The following RAI14 variants were observed in gnomAD, a reference collection of about 807,000 sequenced individuals.
The protein encoded by RAI14 is retinoic acid induced 14, also known as ankycorbin.
Under a neutral mutation model 115.4 loss-of-function variants are expected in RAI14, and 45 were observed. The ratio of observed to expected loss-of-function variants is 0.39; its 90% CI spans 0.31 to 0.50. The LOEUF is 0.50. Among genes scored for constraint, RAI14 ranks in the 20% least tolerant of loss-of-function variants. The pLI, the probability that RAI14 is intolerant of heterozygous loss-of-function variation, is 0.85. For synonymous variants in RAI14, 371 were observed against 415.4 expected (o/e 0.89, Z 1.30); for missense variants, 939 against 1,131.2 (o/e 0.83, Z 2.44).
intron 2 of RAI14, among the ~76,000 whole-genome samples, chr5:34,702,212 ACCTCCTCCT>A (rs1740164902): frequency 6.6e-6 from 1 of 152,100 alleles, no homozygotes. Flanking sequence ...ACTCTAGACA[ACCTCCTCCT>A]AGCTAGGGAA....
chr5:34,659,369 G>A (rs111862886), intron 1 of RAI14, among the ~76,000 whole-genome samples: 15,394 of 152,192 alleles, frequency 0.1, 890 homozygotes, highest in African/African-American at 0.14. Context: ...CTGGGCTCAA[G>A]CAGTCCTCCT....
intron 2 of RAI14, among the ~76,000 whole-genome samples, chr5:34,708,013 A>G (rs1740915078): frequency 6.6e-6 from 1 of 152,180 alleles, no homozygotes; most frequent in Admixed American, 6.5e-5. Flanking sequence ...CTATGTCTTT[A>G]TGTGTCTACT....
At chr5:34,826,756 A>G (rs960809762) in intron 16 of RAI14, among the ~76,000 whole-genome samples, 1 of 152,200 alleles carries the variant, frequency 6.6e-6, no homozygotes, top group African/African-American at 2.4e-5. Flanking sequence ...CTCATACCCT[A>G]ACTTTTTACC....
At chr5:34,756,146 A>G (rs1217702710) in intron 2 of RAI14, among the ~76,000 whole-genome samples, 1 of 152,130 alleles carries the variant, frequency 6.6e-6, no homozygotes, top group Non-Finnish European at 1.5e-5. Flanking sequence ...GGCCCTACAT[A>G]TGGGCTAGGG....
chr5:34,782,841 C>T (rs938407284), intron 3 of RAI14, among the ~76,000 whole-genome samples: 4 of 152,192 alleles, frequency 2.6e-5, no homozygotes, highest in African/African-American at 9.6e-5. Context: ...AGCTAAACAT[C>T]TCCATAGGGG....
At chr5:34,677,453 T>A (rs907910970) in intron 1 of RAI14, among the ~76,000 whole-genome samples, 3 of 147,222 alleles carry the variant, frequency 2.0e-5, no homozygotes, top group African/African-American at 7.4e-5. Context: ...ACCTGGCCGT[T>A]TCTTTTTTTT....
chr5:34,792,340 TCTC>T (rs1753029711), intron 3 of RAI14, among the ~76,000 whole-genome samples: 1 of 150,630 alleles, frequency 6.6e-6, no homozygotes, highest in South Asian at 2.1e-4. Flanking sequence ...TTCACACCAT[TCTC>T]CTCTCTCAGC....
intron 2 of RAI14, among the ~76,000 whole-genome samples, chr5:34,735,818 C>CA (rs1744791237): frequency 6.6e-6 from 1 of 152,202 alleles, no homozygotes; most frequent in South Asian, 2.1e-4. Flanking sequence ...ATGGTGCCGT[C>CA]ATAGGACTGC....
chr5:34,781,386 G>A lies in RAI14; in HGVS notation c.168-14553G>A, dbSNP rs1331459832. Among the ~76,000 whole-genome samples, 3 of 152,168 alleles carry A rather than the reference G, an allele frequency of 2.0e-5. No individual in the cohort carries two copies. The East Asian group carries it at 5.8e-4, about 29-fold the overall frequency. ...ATAATTTAAAAAAATAATAAAAAAA[G>A]TAAAAGCTTATGTAGAGACAAAGCT... On this transcript the variant is annotated intron_variant, in intron 3 of 17. Coordinates refer to ENST00000265109, the MANE Select transcript of RAI14 (RefSeq NM_015577.3).
intron 2 of RAI14, among the ~76,000 whole-genome samples, chr5:34,695,597 A>G (rs1739132626): frequency 6.6e-6 from 1 of 152,266 alleles, no homozygotes; most frequent in Non-Finnish European, 1.5e-5. Context: ...ACTGTGAAAT[A>G]TCATAATAAT....
intron 2 of RAI14, among the ~76,000 whole-genome samples, chr5:34,703,782 C>T (rs1277998879): frequency 6.6e-6 from 1 of 152,138 alleles, no homozygotes. Context: ...GTCTGCATTT[C>T]GGGGGCATCC....
At chr5:34,810,789 A>G (rs562784578) in intron 7 of RAI14, among the ~76,000 whole-genome samples, 6 of 152,098 alleles carry the variant, frequency 3.9e-5, no homozygotes, top group Non-Finnish European at 8.8e-5. Context: ...AAGAAGCTGG[A>G]GCTCCTATGT....
intron 2 of RAI14, 26 bp from the exon 3 acceptor site, chr5:34,757,442 C>A: frequency 6.2e-7 from 1 of 1,611,156 alleles, no homozygotes; most frequent in Non-Finnish European, 8.5e-7. Flanking sequence ...TTGTTCATGA[C>A]CTCTGTTTCT....
chr5:34,672,265 G>A (rs552211506), intron 1 of RAI14, among the ~76,000 whole-genome samples: 2 of 152,160 alleles, frequency 1.3e-5, no homozygotes, highest in Non-Finnish European at 2.9e-5. Context: ...CATATGACAT[G>A]AGTAAGAAAT....
intron 1 of RAI14, among the ~76,000 whole-genome samples, chr5:34,664,548 T>G (rs940390031): frequency 2.0e-5 from 3 of 152,224 alleles, no homozygotes; most frequent in South Asian, 4.1e-4. Flanking sequence ...CATATCCATT[T>G]TAGGTATTGT....
At chr5:34,708,607 A>C (rs752532676) in intron 2 of RAI14, among the ~76,000 whole-genome samples, 5 of 152,248 alleles carry the variant, frequency 3.3e-5, no homozygotes, top group African/African-American at 7.2e-5. Context: ...AAAACAACAA[A>C]AAAAAATTTT....
At chr5:34,820,272 C>T (rs979456765) in intron 13 of RAI14, among the ~76,000 whole-genome samples, 3 of 152,156 alleles carry the variant, frequency 2.0e-5, no homozygotes, top group Admixed American at 6.5e-5. Context: ...AAAGTATTTA[C>T]TAGCTTATAA....
At chr5:34,719,561 A>G (rs2149989735) in intron 2 of RAI14, among the ~76,000 whole-genome samples, 3 of 152,138 alleles carry the variant, frequency 2.0e-5, no homozygotes, top group South Asian at 4.1e-4. Flanking sequence ...ATAGAAAGGG[A>G]CTCCTTGAAT....
chr5:34,668,157 G>C (rs984360424), intron 1 of RAI14, among the ~76,000 whole-genome samples: 5 of 152,132 alleles, frequency 3.3e-5, no homozygotes, highest in Non-Finnish European at 7.3e-5. Context: ...ACTTTGGGAG[G>C]CTGAGGCAGG....
Sources: gnomAD v4.1 joint callset for allele counts (sites outside exome capture counted in the v4.1 genomes callset) on GRCh38, gnomAD v4.1.1 for gene constraint, MANE v1.5 for transcripts, NCBI Gene and HGNC (gene_info 2026-07-23, HGNC 2026-07-21) for gene names.